KDM5B: variants seen among roughly 807,000 people sequenced by gnomAD.
KDM5B encodes lysine demethylase 5B.
A neutral mutation model predicts 193.4 loss-of-function variants in KDM5B; 144 were observed. The observed-to-expected ratio is 0.74, with a 90% CI of 0.65 to 0.86. The LOEUF is 0.86. Among genes scored for constraint, KDM5B ranks in the 40% least tolerant of loss-of-function variants. KDM5B has a pLI of 0.00. For synonymous variants in KDM5B, 668 were observed against 682.6 expected, an observed-to-expected ratio of 0.98 and a Z score of 0.33; for missense variants, 1,833 against 1,886.9, an observed-to-expected ratio of 0.97 and a Z score of 0.53.
intron 1 of KDM5B, 67 bp downstream of exon 1, chr1:202,808,035 C>G (rs1410285761): frequency 6.5e-7 from 1 of 1,534,748 alleles, no homozygotes; most frequent in African/African-American, 1.4e-5. Flanking sequence ...TCGGGCCTCC[C>G]CGGACCCGCG....
chr1:202,774,496 G>C, intron 3 of KDM5B, 117 bp downstream of exon 3: 1 of 869,476 alleles, frequency 1.2e-6, no homozygotes, highest in Non-Finnish European at 1.8e-6. Context: ...CCAAAGTGCT[G>C]AGATTACAGG....
chr1:202,795,800 T>TA (rs1371557872), intron 1 of KDM5B, among the ~76,000 whole-genome samples: 1 of 151,996 alleles, frequency 6.6e-6, no homozygotes, highest in African/African-American at 2.4e-5. Context: ...TTTTTTTTTT[T>TA]AACATAAGAT....
At chr1:202,735,302 T>C (rs1299331060) in intron 22 of KDM5B, 127 bp downstream of exon 22, 5 of 991,914 alleles carry the variant, frequency 5.0e-6, no homozygotes, top group Non-Finnish European at 7.4e-6. Flanking sequence ...TTTCAAAAAG[T>C]CTTTTTAGTA....
intron 3 of KDM5B, among the ~76,000 whole-genome samples, chr1:202,774,003 C>T (rs890763105): frequency 6.6e-6 from 1 of 152,142 alleles, no homozygotes; most frequent in African/African-American, 2.4e-5. Context: ...TCCCAAAATG[C>T]TGGGATTACA....
In KDM5B at chr1:202,727,496, G is replaced by A. The variant is rs1235151644; in HGVS notation, c.*1540C>T. 1.3e-5 allele frequency: 2 copies of A among 152,604 alleles called. No homozygotes were observed. Among genetic ancestry groups the A allele is most frequent in the Non-Finnish European group, 2.9e-5 (2 of 68,020 alleles). 9.5% of individuals were successfully genotyped at this position (152,604 alleles called of 1,614,324 possible). On this transcript the variant is annotated 3_prime_UTR_variant, in exon 27 of 27. Coordinates refer to ENST00000367265, the MANE Select transcript of KDM5B (RefSeq NM_006618.5). ...ATCACAAACTGCTGTTTTTGTTGTT[G>A]TTTTATTAAAGACCCACCAGTTTTA... is the stretch of plus-strand genomic sequence containing the variant.
intron 6 of KDM5B, among the ~76,000 whole-genome samples, chr1:202,763,224 G>A (rs1048525475): frequency 1.4e-4 from 21 of 152,072 alleles, no homozygotes; most frequent in African/African-American, 4.6e-4. Flanking sequence ...TCATCCTCCT[G>A]GTCTCCAAAT....
chr1:202,751,782 G>A (rs1269215616), intron 12 of KDM5B, among the ~76,000 whole-genome samples: 2 of 152,042 alleles, frequency 1.3e-5, no homozygotes, highest in Non-Finnish European at 2.9e-5. Context: ...ATCTCTGTAG[G>A]TCCAGAATCT....
chr1:202,741,745 T>A, intron 18 of KDM5B, 23 bp from the exon 19 acceptor site: 2 of 1,425,952 alleles, frequency 1.4e-6, no homozygotes, highest in Non-Finnish European at 1.9e-6. Flanking sequence ...ACACAGGTTG[T>A]TGCATTAAAA....
At chr1:202,775,856 CAAAAAA>C (rs35222749) in intron 2 of KDM5B, among the ~76,000 whole-genome samples, 2 of 21,432 alleles carry the variant, frequency 9.3e-5, no homozygotes, top group African/African-American at 3.8e-4. Flanking sequence ...ACTCTTGTCT[CAAAAAA>C]AAAAAAAAAA....
chr1:202,760,518 A>G lies in KDM5B; in HGVS notation c.974T>C (p.Leu325Pro). The change falls in exon 8 of 27, where the codon CTG becomes CCG. Residue 325 changes from leucine to proline, a missense_variant. Leu to Pro is a moderately conservative substitution (Grantham distance 98). Around this residue, in one of 3 missense-constraint regions of KDM5B, gnomAD observed 99 missense variants for 162.4 expected, o/e 0.61. Coordinates refer to ENST00000367265, the MANE Select transcript of KDM5B (RefSeq NM_006618.5). Reference sequence around the variant, plus strand: ...ACTGTCATCACAGCCATCACACAACAGTAGCCGGTCTTCATCATTGCCACT... The same window carrying G: ...ACTGTCATCACAGCCATCACACAACGGTAGCCGGTCTTCATCATTGCCACT... Reference protein sequence around the residue: ...CGSGNDEDRLLLCDGCDDSYH... With the variant: ...CGSGNDEDRLPLCDGCDDSYH... 6.2e-7 allele frequency: 1 copy of G among 1,613,558 alleles called. No homozygotes were observed. Among genetic ancestry groups the G allele is most frequent in the Non-Finnish European group, 8.5e-7 (1 of 1,179,666 alleles).
chr1:202,733,947 C>CA, intron 22 of KDM5B, 61 bp from the exon 23 acceptor site: 1 of 1,546,016 alleles, frequency 6.5e-7, no homozygotes, highest in Non-Finnish European at 8.7e-7. Flanking sequence ...CCCTAAAACT[C>CA]AGAGTCCTAG....
intron 8 of KDM5B, among the ~76,000 whole-genome samples, chr1:202,760,045 G>A (rs1656183661): frequency 6.6e-6 from 1 of 152,152 alleles, no homozygotes; most frequent in Non-Finnish European, 1.5e-5. Context: ...AAGTGAGATG[G>A]CTCAGACCTG....
rs536402107 is a variant in KDM5B, at chr1:202,728,173, T to C, written c.*863A>G. Reference sequence around the variant, plus strand: ...AGGGGCAGAAGAAGCTGTGCTCTAATGGCTCTAAATAATCAGCATTTAGTG... The same window carrying C: ...AGGGGCAGAAGAAGCTGTGCTCTAACGGCTCTAAATAATCAGCATTTAGTG... On this transcript the variant is annotated 3_prime_UTR_variant, in exon 27 of 27. Coordinates refer to ENST00000367265, the MANE Select transcript of KDM5B (RefSeq NM_006618.5). 1 of 152,398 alleles carries C rather than the reference T, an allele frequency of 6.6e-6. No homozygotes were observed. Among genetic ancestry groups the C allele is most frequent in the African/African-American group, 2.4e-5 (1 of 41,588 alleles). 9.4% of individuals were successfully genotyped at this position (152,398 alleles called of 1,614,324 possible).
chr1:202,803,561 CGT>C (rs1558523838), intron 1 of KDM5B, among the ~76,000 whole-genome samples: 1 of 151,292 alleles, frequency 6.6e-6, no homozygotes, highest in African/African-American at 2.4e-5. Flanking sequence ...CGGTGGCTCA[CGT>C]CTGTAATCCC....
intron 23 of KDM5B, among the ~76,000 whole-genome samples, chr1:202,732,363 T>G (rs1321829121): frequency 1.3e-5 from 2 of 152,202 alleles, no homozygotes; most frequent in Non-Finnish European, 2.9e-5. Flanking sequence ...TCTTCCTTAG[T>G]GTTTTATTAA....
In KDM5B at chr1:202,733,634, TCTCTGA is replaced by T; in HGVS notation, c.3670_3675del (p.Ser1224_Glu1225del). The T allele has an allele frequency of 6.2e-7, 1 of 1,614,120 alleles. No individual in the cohort carries two copies. Among genetic ancestry groups the T allele is most frequent in the East Asian group, 2.2e-5 (1 of 44,872 alleles). ...GGCAGAATTTTCTCTAATGGAGGTTTCTCTGACCTCCGACAATGGGGACAAAGCCAG... is the reference window on the plus strand; with the variant it reads ...GGCAGAATTTTCTCTAATGGAGGTTTCCTCCGACAATGGGGACAAAGCCAG... On this transcript the variant is annotated inframe_deletion, in exon 23 of 27. Transcript: ENST00000367265.
intron 20 of KDM5B, among the ~76,000 whole-genome samples, chr1:202,739,964 C>T (rs1469577419): frequency 2.7e-4 from 41 of 152,346 alleles, no homozygotes; most frequent in Admixed American, 1.8e-3. Flanking sequence ...ATTGTCATCC[C>T]GGCCCGTTCT....
At chr1:202,802,991 T>G (rs1377373116) in intron 1 of KDM5B, among the ~76,000 whole-genome samples, 1 of 152,114 alleles carries the variant, frequency 6.6e-6, no homozygotes, top group Non-Finnish European at 1.5e-5. Flanking sequence ...GAGAACTGCT[T>G]GAAGCCAGGA....
chr1:202,746,346 G>A (rs1655560338), intron 14 of KDM5B, 23 bp from the exon 15 acceptor site: 4 of 1,533,454 alleles, frequency 2.6e-6, no homozygotes, highest in Non-Finnish European at 3.5e-6. Flanking sequence ...ATACTTTAGA[G>A]AGACCTCCAA....
Sources: allele counts gnomAD v4.1 joint callset (sites outside exome capture counted in the v4.1 genomes callset), GRCh38; gene constraint gnomAD v4.1.1; regional missense constraint gnomAD v4.1.1; transcripts MANE v1.5; gene names NCBI Gene and HGNC (gene_info 2026-07-23, HGNC 2026-07-21).